The following BPIFB1 variants were observed in gnomAD, a reference collection of about 807,000 sequenced individuals.
BPIFB1 encodes the protein BPI fold-containing family B member 1.
In BPIFB1, 34 loss-of-function variants were observed where a neutral mutation model predicts 55.1. The ratio of observed to expected loss-of-function variants is 0.62; its 90% confidence interval spans 0.47 to 0.82. The LOEUF is 0.82. Among genes scored for constraint, BPIFB1 ranks in the 40% least tolerant of loss-of-function variants. The pLI is 0.00. For missense variants in BPIFB1, 532 were observed against 593.1 expected, an observed-to-expected ratio of 0.90 and a Z score of 1.07; for synonymous variants, 236 against 245.3, an observed-to-expected ratio of 0.96 and a Z score of 0.35.
At chr20:33,292,603 T>C (rs890875117) in intron 6 of BPIFB1, among the ~76,000 whole-genome samples, 1 of 152,248 alleles carries the variant, frequency 6.6e-6, no homozygotes, top group Non-Finnish European at 1.5e-5. Flanking sequence ...AACAATTGGT[T>C]CTCAAAAGCT....
chr20:33,284,767 G>A (rs1295073177), intron 1 of BPIFB1, among the ~76,000 whole-genome samples: 3 of 152,156 alleles, frequency 2.0e-5, no homozygotes, highest in South Asian at 2.1e-4. Flanking sequence ...CTCAGGACTG[G>A]ACTACAGATG....
chr20:33,302,801 GA>G, intron 10 of BPIFB1, 114 bp from the exon 11 acceptor site: 1 of 1,191,974 alleles, frequency 8.4e-7, no homozygotes, highest in Non-Finnish European at 1.2e-6. Context: ...AGGGTGGCTG[GA>G]ACACGTGAGG....
At chr20:33,285,506 G>A (rs1047094192) in intron 1 of BPIFB1, among the ~76,000 whole-genome samples, 2 of 151,850 alleles carry the variant, frequency 1.3e-5, no homozygotes, top group African/African-American at 2.4e-5. Flanking sequence ...GAGGTCAGGA[G>A]ATCGAGACCA....
intron 4 of BPIFB1, among the ~76,000 whole-genome samples, 199 bp downstream of exon 4, chr20:33,290,191 A>G (rs991301087): frequency 1.3e-5 from 2 of 152,182 alleles, no homozygotes; most frequent in African/African-American, 4.8e-5. Context: ...GGGGCATGGT[A>G]GGAGATGAGG....
At chr20:33,289,387 A>AC (rs1980376257) in intron 3 of BPIFB1, among the ~76,000 whole-genome samples, 1 of 150,072 alleles carries the variant, frequency 6.7e-6, no homozygotes, top group African/African-American at 2.5e-5. Context: ...GTCTCAAAAA[A>AC]AAAAAAACAA....
intron 11 of BPIFB1, 53 bp from the exon 12 acceptor site, chr20:33,303,905 T>C: frequency 6.3e-7 from 1 of 1,586,550 alleles, no homozygotes. Flanking sequence ...AACCCCTAAT[T>C]CCACACTCGG....
chr20:33,288,455 G>C (rs1980340885), intron 2 of BPIFB1, among the ~76,000 whole-genome samples: 1 of 152,186 alleles, frequency 6.6e-6, no homozygotes, highest in African/African-American at 2.4e-5. Flanking sequence ...CAGGTGCTGA[G>C]TGCAGTGGCC....
At chr20:33,289,395 C>CAAAAAAAAAAAAAAAAAAAA (rs1267786219) in intron 3 of BPIFB1, among the ~76,000 whole-genome samples, 1 of 105,830 alleles carries the variant, frequency 9.4e-6, no homozygotes, top group Non-Finnish European at 1.9e-5. Context: ...AAAAAAAAAA[C>CAAAAAAAAAAAAAAAAAAAA]AAAAAAAAAA....
At chr20:33,304,951 A>C (rs1980975875) in intron 13 of BPIFB1, 60 bp downstream of exon 13, 3 of 1,570,870 alleles carry the variant, frequency 1.9e-6, no homozygotes, top group Non-Finnish European at 2.6e-6. Flanking sequence ...GTCCACTCTC[A>C]AAACAGATAT....
chr20:33,284,220 G>A (rs1232115030), intron 1 of BPIFB1, among the ~76,000 whole-genome samples: 1 of 152,184 alleles, frequency 6.6e-6, no homozygotes, highest in African/African-American at 2.4e-5. Context: ...GGCTCAGAAA[G>A]GGTAAGTCAC....
chr20:33,301,082 A>G (rs761116392), intron 8 of BPIFB1, 151 bp from the exon 9 acceptor site: 5 of 691,442 alleles, frequency 7.2e-6, no homozygotes, highest in East Asian at 2.6e-5. Context: ...GATGGAGTAG[A>G]TGTTGCCACA....
chr20:33,288,972 G>T, intron 3 of BPIFB1, 90 bp downstream of exon 3: 1 of 1,413,480 alleles, frequency 7.1e-7, no homozygotes, highest in Non-Finnish European at 9.5e-7. Flanking sequence ...CAGTCTGCAA[G>T]CATCGACTTG....
At chr20:33,305,972 G>T (rs1479951646) in intron 13 of BPIFB1, 30 bp from the exon 14 acceptor site, 2 of 1,612,532 alleles carry the variant, frequency 1.2e-6, no homozygotes. Flanking sequence ...TGCTCAACCA[G>T]GGTGACAGTG....
At chr20:33,305,205 C>T (rs1315886830) in intron 13 of BPIFB1, among the ~76,000 whole-genome samples, 3 of 152,046 alleles carry the variant, frequency 2.0e-5, no homozygotes, top group Non-Finnish European at 2.9e-5. Flanking sequence ...CACGTAGACG[C>T]GCCTCAGTGC....
chr20:33,301,555 T>G, intron 9 of BPIFB1, 143 bp downstream of exon 9: 1 of 732,592 alleles, frequency 1.4e-6, no homozygotes, highest in African/African-American at 1.8e-5. Context: ...AGACCCTGCC[T>G]CTGACATAGC....
chr20:33,299,268 C>A (rs1263758459), intron 7 of BPIFB1: 6 of 432,240 alleles, frequency 1.4e-5, no homozygotes, highest in Non-Finnish European at 2.9e-5. Flanking sequence ...TCCCCATCCT[C>A]GGCCATACAC....
intron 9 of BPIFB1, 45 bp downstream of exon 9, chr20:33,301,457 T>C (rs764199701): frequency 6.4e-7 from 1 of 1,569,528 alleles, no homozygotes. Context: ...CCAGGCCACA[T>C]CATAGGAATT....
At chr20:33,289,461 T>G (rs978280140) in intron 3 of BPIFB1, among the ~76,000 whole-genome samples, 1 of 151,544 alleles carries the variant, frequency 6.6e-6, no homozygotes, top group African/African-American at 2.4e-5. Flanking sequence ...GAGGTGATGC[T>G]TCTCACTGGA....
intron 15 of BPIFB1, chr20:33,307,915 C>G (rs930777799): frequency 1.3e-5 from 2 of 151,348 alleles, no homozygotes; most frequent in African/African-American, 4.9e-5. Flanking sequence ...ATCCATCCCC[C>G]CCCCAAAAAA....
Sources: gnomAD v4.1 joint callset for allele counts (sites outside exome capture counted in the v4.1 genomes callset) on GRCh38, gnomAD v4.1.1 for gene constraint, MANE v1.5 for transcripts, NCBI Gene and HGNC (gene_info 2026-07-23, HGNC 2026-07-21) for gene names.